The following IHO1 variants were observed in gnomAD, a reference collection of about 807,000 sequenced individuals.
The protein encoded by IHO1 is interactor of HORMAD1 protein 1.
IHO1 carries 13 observed loss-of-function variants against 31.0 expected under a neutral mutation model. The observed-to-expected ratio is 0.42, with a 90% CI of 0.27 to 0.67. The LOEUF is 0.67. Among genes scored for constraint, IHO1 ranks in the 30% least tolerant of loss-of-function variants. IHO1 has a pLI of 0.24. For synonymous variants in IHO1, 221 were observed against 248.4 expected (o/e 0.89, Z 1.04); for missense variants, 599 against 687.5 (o/e 0.87, Z 1.44).
At position 49,257,594 on chromosome 3, in the gene IHO1, C is replaced by A; in HGVS notation, c.*312C>A. On this transcript the variant is annotated 3_prime_UTR_variant, in exon 8 of 8. Coordinates refer to ENST00000452691, the MANE Select transcript of IHO1 (RefSeq NM_001135197.2). ...GTACTTTGGCGAAAGGCAGGCAGGCCTCCTTATGGAATACTGTGTAGCAGA... is the reference window on the plus strand; with the variant it reads ...GTACTTTGGCGAAAGGCAGGCAGGCATCCTTATGGAATACTGTGTAGCAGA... 3.2e-6 allele frequency: 1 copy of A among 308,070 alleles called. No individual in the cohort carries two copies. The highest frequency in any genetic ancestry group is 6.1e-6 in the Non-Finnish European group (1 of 163,326). 19.1% of individuals were successfully genotyped at this position (308,070 alleles called of 1,614,324 possible).
Position 49,211,794 on chromosome 3 carries a change from T to C in IHO1, c.14T>C (p.Val5Ala). The change falls in exon 2 of 8, where the codon GTC becomes GCC. Residue 5 changes from valine (V) to alanine (A), a missense_variant. Coordinates refer to ENST00000452691, the MANE Select transcript of IHO1 (RefSeq NM_001135197.2). ...TAACTATAAGAAATGAATTTTAATG[T>C]CTGGAATATCAAAGAGATGCTCAGT... MNFN[V>A]WNIKEMLSIP... 1 of 1,544,778 alleles carries C rather than the reference T, an allele frequency of 6.5e-7. No homozygotes were observed. The highest frequency in any genetic ancestry group is 1.1e-5 in the South Asian group (1 of 89,548).
intron 6 of IHO1, among the ~76,000 whole-genome samples, chr3:49,248,124 C>CA (rs60797316): frequency 0.011 from 1,207 of 107,494 alleles, 22 homozygotes; most frequent in African/African-American, 0.041. Flanking sequence ...GACTCCATCT[C>CA]AAAAAAAAAA....
intron 6 of IHO1, among the ~76,000 whole-genome samples, chr3:49,253,577 CCT>C (rs1338802017): frequency 1.3e-5 from 2 of 152,110 alleles, no homozygotes; most frequent in African/African-American, 4.8e-5. Flanking sequence ...GATCTCAATT[CCT>C]CTGTTTGGAA....
rs562847275 is a variant in IHO1 at position 49,234,851 on chromosome 3, C to CT, written c.57-1684dup. 8.8e-3 allele frequency among the ~76,000 whole-genome samples: 1,278 copies of CT among 144,932 alleles called. 7 individuals carry two copies. Among genetic ancestry groups the CT allele is most frequent in the Admixed American group, 0.014 (203 of 14,456 alleles). ...TAAATGAACTGTAATAGAGTTAATT[C>CT]TTTTTTTTTTTTTGAGACTGAGTCT... On this transcript the variant is annotated intron_variant, in intron 2 of 7. Transcript: ENST00000452691.
Position 49,256,521 on chromosome 3 carries a change from C to T in IHO1, c.1024C>T (p.His342Tyr), listed in dbSNP as rs148252195. The T allele has an allele frequency of 1.4e-4, 224 of 1,613,992 alleles. No individual in the cohort carries two copies. Among genetic ancestry groups the T allele is most frequent in the Non-Finnish European group, 1.5e-4 (173 of 1,180,044 alleles). The stretch of plus-strand genomic sequence containing the variant: ...GGCTGCACTGCCAGCATTTGGGTCC[C>T]ATGAAAGAAATAGGCATGTAAAGGA... Reference protein sequence around the residue: ...EEAALPAFGSHERNRHVKDKV... With the variant: ...EEAALPAFGSYERNRHVKDKV... The change falls in exon 8 of 8, where the codon CAT becomes TAT. Residue 342 changes from histidine (H) to tyrosine (Y), a missense_variant. His to Tyr is a moderately conservative substitution (Grantham distance 83). Coordinates refer to ENST00000452691, the MANE Select transcript of IHO1 (RefSeq NM_001135197.2). The surrounding 1 kb of genome is among the most constrained non-coding windows in gnomAD (Gnocchi z 4.6).
At chr3:49,212,509 C>G (rs1467316821) in intron 2 of IHO1, among the ~76,000 whole-genome samples, 1 of 136,072 alleles carries the variant, frequency 7.3e-6, no homozygotes, top group Admixed American at 7.6e-5. Flanking sequence ...GAGTGAGACT[C>G]AATCTCAAAA....
intron 1 of IHO1, among the ~76,000 whole-genome samples, chr3:49,206,378 G>A (rs962743420): frequency 1.3e-5 from 2 of 151,548 alleles, no homozygotes; most frequent in African/African-American, 4.9e-5. Context: ...TTACAGGCGT[G>A]AGCCACCGCT....
chr3:49,228,578 C>T lies in IHO1; in HGVS notation c.57-7970C>T, dbSNP rs562496445. Among the ~76,000 whole-genome samples, 8 of 152,288 alleles carry T rather than the reference C, an allele frequency of 5.3e-5. No homozygotes were observed. The South Asian group carries it at 1.5e-3, about 28-fold the overall frequency. ...ATTCCTTCCAGTGGGTTCTTGGTCT[C>T]GCAGACTTCAGGAATGAAGCTGTGG... is the stretch of plus-strand genomic sequence containing the variant. On this transcript the variant is annotated intron_variant, in intron 2 of 7. Transcript: ENST00000452691.
At chr3:49,239,272 A>T (rs1052788129) in intron 3 of IHO1, among the ~76,000 whole-genome samples, 1 of 140,228 alleles carries the variant, frequency 7.1e-6, no homozygotes, top group Admixed American at 7.7e-5. Flanking sequence ...ATGCCTGGCC[A>T]CACCAAGCTA....
the IHO1 span, chr3:49,191,738 C>T: frequency 6.3e-7 from 1 of 1,589,938 alleles, no homozygotes; most frequent in Non-Finnish European, 8.5e-7. Context: ...ATAAAGTGCA[C>T]TCTTACCCAG....
chr3:49,228,284 A>G, intron 2 of IHO1: 2 of 448,338 alleles, frequency 4.5e-6, no homozygotes, highest in Non-Finnish European at 8.9e-6. Flanking sequence ...GCCCGGAAGT[A>G]CAGGAAAAGC....
chr3:49,236,780 C>T, intron 3 of IHO1, 58 bp downstream of exon 3: 1 of 1,508,316 alleles, frequency 6.6e-7, no homozygotes, highest in South Asian at 1.2e-5. Flanking sequence ...TGGAGATAAA[C>T]TATAAAGAAT....
intron 2 of IHO1, among the ~76,000 whole-genome samples, chr3:49,222,080 G>A (rs1343753819): frequency 6.6e-6 from 1 of 152,216 alleles, no homozygotes; most frequent in Non-Finnish European, 1.5e-5. Flanking sequence ...GGATTGTAGA[G>A]TAAGGATAGA....
intron 4 of IHO1, among the ~76,000 whole-genome samples, chr3:49,241,951 A>T (rs574461285): frequency 1.3e-5 from 2 of 150,080 alleles, no homozygotes; most frequent in East Asian, 2.0e-4. Flanking sequence ...TTTTATTATT[A>T]TTTTTTTCTG....
upstream of IHO1, among the ~76,000 whole-genome samples, chr3:49,195,017 A>G (rs2045989095): frequency 6.6e-6 from 1 of 151,670 alleles, no homozygotes; most frequent in Admixed American, 6.6e-5. Flanking sequence ...TGGGGAGGCC[A>G]AGGCAGGCAG....
chr3:49,195,354 A>C (rs943914325), upstream of IHO1, among the ~76,000 whole-genome samples: 1 of 151,614 alleles, frequency 6.6e-6, no homozygotes, highest in Non-Finnish European at 1.5e-5. Flanking sequence ...CCTGGAAGGC[A>C]GAGGTTGCAG....
intron 2 of IHO1, among the ~76,000 whole-genome samples, chr3:49,226,419 G>A (rs189364849): frequency 3.0e-4 from 46 of 151,900 alleles, no homozygotes; most frequent in Non-Finnish European, 4.6e-4. Flanking sequence ...CCGTAACCGC[G>A]CGAGGAAGGC....
intron 1 of IHO1, among the ~76,000 whole-genome samples, chr3:49,200,766 G>A (rs1188971043): frequency 6.6e-6 from 1 of 152,088 alleles, no homozygotes. Flanking sequence ...CATTTACCTT[G>A]GAATGACCGT....
intron 2 of IHO1, among the ~76,000 whole-genome samples, chr3:49,219,782 G>A (rs1169750194): frequency 1.3e-5 from 2 of 152,162 alleles, no homozygotes; most frequent in Non-Finnish European, 2.9e-5. Flanking sequence ...AGGGGAGCTC[G>A]GAAGCATCAG....
Sources: allele counts gnomAD v4.1 joint callset (sites outside exome capture counted in the v4.1 genomes callset), GRCh38; gene constraint gnomAD v4.1.1; non-coding constraint Gnocchi (gnomAD v3.1); transcripts MANE v1.5; gene names NCBI Gene and HGNC (gene_info 2026-07-23, HGNC 2026-07-21).